Variants in CACNA1A observed in about 807,000 individuals in gnomAD.
The protein encoded by CACNA1A is calcium voltage-gated channel subunit alpha1 A.
Under a neutral mutation model 262.4 loss-of-function variants are expected in CACNA1A, and 57 were observed. The ratio of observed to expected loss-of-function variants is 0.22; its 90% CI spans 0.18 to 0.27. The LOEUF (loss-of-function observed/expected upper bound fraction) is 0.27. Ranked by LOEUF, CACNA1A falls within the 10% of genes least tolerant of loss-of-function variation. The pLI is 1.00. For synonymous variants in CACNA1A, 1,431 were observed against 1,419.3 expected (o/e 1.01, Z -0.18); for missense variants, 2,526 against 3,562.8 (o/e 0.71, Z 7.41).
intron 30 of CACNA1A, 87 bp from the exon 31 acceptor site, chr19:13,245,352 A>G: frequency 1.0e-6 from 1 of 1,002,058 alleles, no homozygotes; most frequent in African/African-American, 1.6e-5. Flanking sequence ...TTAGAGGCAC[A>G]GTTGCCCATC....
At chr19:13,217,927 CTTTT>C (rs33920209) in intron 38 of CACNA1A, among the ~76,000 whole-genome samples, 211 of 91,492 alleles carry the variant, frequency 2.3e-3, no homozygotes, top group South Asian at 0.015. Flanking sequence ...ATAGTTCATT[CTTTT>C]TTTTTTTTTT....
At chr19:13,439,050 T>C (rs1279012581) in intron 3 of CACNA1A, among the ~76,000 whole-genome samples, 1 of 152,012 alleles carries the variant, frequency 6.6e-6, no homozygotes, top group Non-Finnish European at 1.5e-5. Flanking sequence ...TCTCTTTCTT[T>C]TCTGACTATC....
chr19:13,250,844 T>G (rs2056376687), intron 30 of CACNA1A, among the ~76,000 whole-genome samples: 1 of 152,164 alleles, frequency 6.6e-6, no homozygotes, highest in Non-Finnish European at 1.5e-5. Context: ...TCAAAATATT[T>G]TTTAAGGCTA....
chr19:13,324,817 A>G (rs927854398), intron 10 of CACNA1A, among the ~76,000 whole-genome samples: 1 of 152,122 alleles, frequency 6.6e-6, no homozygotes, highest in Non-Finnish European at 1.5e-5. Context: ...CAGGCTGCAG[A>G]GAGCTATGAT....
intron 1 of CACNA1A, among the ~76,000 whole-genome samples, chr19:13,464,761 G>T (rs557854418): frequency 3.1e-4 from 47 of 151,584 alleles, no homozygotes; most frequent in African/African-American, 1.1e-3. Context: ...TGTTAGCCAG[G>T]GTGGTCTCGA....
intron 3 of CACNA1A, among the ~76,000 whole-genome samples, chr19:13,418,170 T>C (rs567335060): frequency 1.6e-4 from 24 of 152,332 alleles, no homozygotes; most frequent in African/African-American, 5.8e-4. Context: ...CTCTGTGGTT[T>C]TCCCCATAGA....
intron 6 of CACNA1A, among the ~76,000 whole-genome samples, chr19:13,355,583 G>T (rs2058994699): frequency 6.6e-6 from 1 of 152,194 alleles, no homozygotes; most frequent in East Asian, 1.9e-4. Flanking sequence ...CGCCCGACAG[G>T]GAGGGAGCTG....
chr19:13,208,078 A>T, intron 46 of CACNA1A, 25 bp from the exon 47 acceptor site: 2 of 1,264,548 alleles, frequency 1.6e-6, no homozygotes, highest in Non-Finnish European at 2.0e-6. Flanking sequence ...AAACAAAGGA[A>T]ATCAAAAAAA....
rs772941423 is a variant in CACNA1A, at chr19:13,298,837, G to T, written c.2796C>A (p.His932Gln). ...RGKAGDPHRR[H>Q]VHRQGGSRES... ...CCCTGCTGCCCCCCTGCCGGTGCAC[G>T]TGCCTCCGGTGGGGGTCCCCGGCCT... The change falls in exon 19 of 47, where the codon CAC becomes CAA. Residue 932 changes from histidine to glutamine, a missense_variant. Around this residue, in one of 17 missense-constraint regions of CACNA1A, gnomAD observed 765 missense variants for 748.6 expected, o/e 1.02. Transcript: ENST00000360228. 1.3e-6 allele frequency: 2 copies of T among 1,581,158 alleles called. No homozygotes were observed. The highest frequency in any genetic ancestry group is 1.4e-5 in the African/African-American group (1 of 73,354).
chr19:13,474,493 G>A (rs1446858159), intron 1 of CACNA1A, among the ~76,000 whole-genome samples: 1 of 152,162 alleles, frequency 6.6e-6, no homozygotes, highest in Non-Finnish European at 1.5e-5. Flanking sequence ...GGGGAGGTGG[G>A]AAAAAGAAGA....
At chr19:13,322,202 GA>G (rs368879293) in intron 10 of CACNA1A, among the ~76,000 whole-genome samples, 213 of 90,066 alleles carry the variant, frequency 2.4e-3, no homozygotes, top group Middle Eastern at 6.2e-3. Flanking sequence ...ACTTGTCTCA[GA>G]AAAAAAAAAA....
chr19:13,344,053 A>G (rs1176463654), intron 6 of CACNA1A, among the ~76,000 whole-genome samples: 1 of 152,076 alleles, frequency 6.6e-6, no homozygotes, highest in Admixed American at 6.5e-5. Context: ...CTAAAAAATA[A>G]AAATAAAAAA....
chr19:13,441,274 G>A (rs1003308839), intron 3 of CACNA1A, among the ~76,000 whole-genome samples: 8 of 152,120 alleles, frequency 5.3e-5, no homozygotes, highest in African/African-American at 1.9e-4. Flanking sequence ...GCTTCCTTAC[G>A]TGTCTATGTA....
chr19:13,218,430 T>A (rs187787099), intron 38 of CACNA1A, among the ~76,000 whole-genome samples: 359 of 152,324 alleles, frequency 2.4e-3, no homozygotes, highest in Non-Finnish European at 4.1e-3. Flanking sequence ...CTTCCCTGGT[T>A]GGCAGTACAC....
At chr19:13,446,379 T>C (rs572962108) in intron 3 of CACNA1A, among the ~76,000 whole-genome samples, 8 of 151,890 alleles carry the variant, frequency 5.3e-5, no homozygotes, top group East Asian at 1.9e-4. Context: ...TTCTCTACCA[T>C]TGACATTGGC....
At chr19:13,263,823 C>T (rs1486855191) in intron 24 of CACNA1A, among the ~76,000 whole-genome samples, 1 of 152,086 alleles carries the variant, frequency 6.6e-6, no homozygotes, top group Non-Finnish European at 1.5e-5. Flanking sequence ...GCCTGGCCCC[C>T]TGTGTATTCT....
chr19:13,310,506 A>G lies in CACNA1A; in HGVS notation c.1669-1978T>C, dbSNP rs375551234. Among the ~76,000 whole-genome samples the G allele has an allele frequency of 6.1e-3, 219 of 35,894 alleles. 32 individuals are homozygous for G. The East Asian group carries it at 0.13, about 22-fold the overall frequency. The allele number at this position is 35,894 out of a possible 152,430, so 23.5% of individuals were successfully genotyped here. On this transcript the variant is annotated intron_variant, in intron 12 of 46. Coordinates refer to ENST00000360228, the MANE Select transcript of CACNA1A (RefSeq NM_001127222.2). ...AAAAAAAAAATATATATATATATATATATATATGTAGAGAGAGAGAGAGAG... is the reference window on the plus strand; with the variant it reads ...AAAAAAAAAATATATATATATATATGTATATATGTAGAGAGAGAGAGAGAG...
chr19:13,442,677 C>T (rs1296877149), intron 3 of CACNA1A, among the ~76,000 whole-genome samples: 3 of 152,204 alleles, frequency 2.0e-5, no homozygotes, highest in Non-Finnish European at 2.9e-5. Flanking sequence ...GTGAGTTCAA[C>T]CCACATTCTC....
intron 3 of CACNA1A, among the ~76,000 whole-genome samples, chr19:13,436,874 G>C (rs1230924309): frequency 6.6e-6 from 1 of 152,232 alleles, no homozygotes; most frequent in African/African-American, 2.4e-5. Flanking sequence ...TGAGGCCTGA[G>C]AGTGCCCCTT....
Sources: gnomAD v4.1 joint callset for allele counts (sites outside exome capture counted in the v4.1 genomes callset) on GRCh38, gnomAD v4.1.1 for gene constraint, gnomAD v4.1.1 regional missense constraint, MANE v1.5 for transcripts, NCBI Gene and HGNC (gene_info 2026-07-23, HGNC 2026-07-21) for gene names.